FBL: variants seen among roughly 807,000 people sequenced by gnomAD.
The protein encoded by FBL is fibrillarin rRNA 2'-O-methyltransferase.
In FBL, 10 loss-of-function variants were observed where a neutral mutation model predicts 42.2. That is an observed-to-expected ratio of 0.24 (90% CI 0.15 to 0.40). The LOEUF is 0.40. Among genes scored for constraint, FBL ranks in the 10% least tolerant of loss-of-function variants. FBL has a pLI of 1.00. For synonymous variants in FBL, 165 were observed against 165.4 expected (o/e 1.00, Z 0.02); for missense variants, 351 against 439.2 (o/e 0.80, Z 1.79).
chr19:39,840,160 G>A lies in FBL; in HGVS notation c.378+73C>T. The A allele has an allele frequency of 4.0e-6, 4 of 1,005,892 alleles. No homozygotes were observed. Among genetic ancestry groups the A allele is most frequent in the Non-Finnish European group, 1.6e-6 (1 of 630,270 alleles). The allele number at this position is 1,005,892 out of a possible 1,614,324, so 62.3% of individuals were successfully genotyped here. On this transcript the variant is annotated intron_variant, in intron 4 of 8. Coordinates refer to ENST00000221801, the MANE Select transcript of FBL (RefSeq NM_001436.4). This position sits in a 1 kb window ranked among gnomAD's most constrained non-coding sequence, Gnocchi z 4.5. ...AGCTGTCACGTGCAGGACACATGGTGAGGGCAGACACAGACTACTGGCTAC... is the reference window on the plus strand; with the variant it reads ...AGCTGTCACGTGCAGGACACATGGTAAGGGCAGACACAGACTACTGGCTAC...
At chr19:39,838,161 G>C in intron 5 of FBL, 1 of 256,886 alleles carries the variant, frequency 3.9e-6, no homozygotes, top group Non-Finnish European at 7.4e-6. Context: ...ACTGCTCTAA[G>C]CACCTTTCAG....
chr19:39,845,290 A>C (rs1969240983), intron 1 of FBL, among the ~76,000 whole-genome samples: 1 of 152,228 alleles, frequency 6.6e-6, no homozygotes, highest in Non-Finnish European at 1.5e-5. Flanking sequence ...GAAGGATTCT[A>C]ATGTTGTTCT....
intron 4 of FBL, among the ~76,000 whole-genome samples, chr19:39,839,560 C>T (rs1969116667): frequency 6.6e-6 from 1 of 152,038 alleles, no homozygotes; most frequent in African/African-American, 2.4e-5. Flanking sequence ...CTAAATACAA[C>T]ATGGCATATG....
chr19:39,838,925 G>T, intron 5 of FBL, 110 bp downstream of exon 5: 1 of 946,970 alleles, frequency 1.1e-6, no homozygotes, highest in Non-Finnish European at 1.6e-6. Context: ...ACAGAAAAGG[G>T]CCTGGCCCTA....
intron 5 of FBL, 67 bp downstream of exon 5, chr19:39,838,968 G>T: frequency 6.9e-7 from 1 of 1,441,812 alleles, no homozygotes; most frequent in South Asian, 1.3e-5. Flanking sequence ...GTCAAACCCT[G>T]ATATTCCAGG....
chr19:39,844,352 T>C (rs1410889405), intron 1 of FBL, among the ~76,000 whole-genome samples: 1 of 152,004 alleles, frequency 6.6e-6, no homozygotes, highest in South Asian at 2.1e-4. Context: ...CAATCCCAGA[T>C]ACTCAAAACA....
intron 1 of FBL, among the ~76,000 whole-genome samples, chr19:39,842,434 CT>C (rs1969179818): frequency 6.6e-6 from 1 of 152,132 alleles, no homozygotes; most frequent in Admixed American, 6.6e-5. Flanking sequence ...CCTACGAACC[CT>C]TCATGCACCT....
chr19:39,845,701 CG>C (rs1484717777), intron 1 of FBL, among the ~76,000 whole-genome samples: 2 of 152,230 alleles, frequency 1.3e-5, no homozygotes, highest in Non-Finnish European at 2.9e-5. Context: ...ACTCCATCCC[CG>C]GGGATCCGCC....
chr19:39,840,702 C>T lies in FBL; in HGVS notation c.96G>A (p.Gly32=). 6.3e-7 allele frequency: 1 copy of T among 1,585,944 alleles called. No individual in the cohort carries two copies. The highest frequency in any genetic ancestry group is 2.3e-5 in the East Asian group (1 of 42,968). ...GGRGGRGGFG[G]GRGRGGGFRG... is the part of the protein sequence containing the mutation. ...TAAAGCCTCCGCCTCGACCTCGGCC[C>T]CCGCCAAAGCCCCCTCGGCCTCCAC... The change falls in exon 2 of 9, where the codon GGG becomes GGA. Residue 32 remains glycine (G), a synonymous_variant. Coordinates refer to ENST00000221801, the MANE Select transcript of FBL (RefSeq NM_001436.4). The surrounding 1 kb of genome is among the most constrained non-coding windows in gnomAD (Gnocchi z 4.5).
In FBL at chr19:39,846,362, C is replaced by A. The variant is rs1969263974; in HGVS notation, c.-62G>T. 3 of 1,602,970 alleles carry A rather than the reference C, an allele frequency of 1.9e-6. No homozygotes were observed. The highest frequency in any genetic ancestry group is 1.7e-5 in the Admixed American group (1 of 59,562). ...CGTTCACAACTCCACGAGTCCGGGG[C>A]TTTCGCACGTGGAAAAGAGCGCAGG... On this transcript the variant is annotated 5_prime_UTR_variant, in exon 1 of 9. Coordinates refer to ENST00000221801, the MANE Select transcript of FBL (RefSeq NM_001436.4).
intron 7 of FBL, among the ~76,000 whole-genome samples, chr19:39,835,543 T>G (rs1237218456): frequency 6.6e-6 from 1 of 151,632 alleles, no homozygotes; most frequent in African/African-American, 2.4e-5. Flanking sequence ...AAAATAAAAA[T>G]AAATAAATTA....
chr19:39,844,018 G>T (rs982046573), intron 1 of FBL, among the ~76,000 whole-genome samples: 1 of 151,848 alleles, frequency 6.6e-6, no homozygotes, highest in African/African-American at 2.4e-5. Context: ...AGATGAAAAT[G>T]TAACTTTTAA....
intron 1 of FBL, among the ~76,000 whole-genome samples, chr19:39,843,283 G>A (rs1033997109): frequency 1.3e-5 from 2 of 152,072 alleles, no homozygotes; most frequent in African/African-American, 4.8e-5. Context: ...TTAAACCCTG[G>A]GCCCTGCCTC....
chr19:39,844,309 G>A (rs1969218071), intron 1 of FBL, among the ~76,000 whole-genome samples: 1 of 152,144 alleles, frequency 6.6e-6, no homozygotes, highest in South Asian at 2.1e-4. Context: ...ACTGGCATGT[G>A]CTTGGGGCGG....
chr19:39,843,908 C>T (rs2145067239), intron 1 of FBL, among the ~76,000 whole-genome samples: 1 of 152,340 alleles, frequency 6.6e-6, no homozygotes, highest in East Asian at 1.9e-4. Context: ...GGGTACGCGT[C>T]TCCTCTTCCC....
chr19:39,838,774 G>A (rs1282284100), intron 5 of FBL: 1 of 364,592 alleles, frequency 2.7e-6, no homozygotes, highest in Non-Finnish European at 4.9e-6. Flanking sequence ...AAATCAAATA[G>A]TCTGGTATCT....
chr19:39,837,873 G>C, intron 5 of FBL, 30 bp from the exon 6 acceptor site: 2 of 1,603,586 alleles, frequency 1.2e-6, no homozygotes, highest in Non-Finnish European at 1.7e-6. Context: ...AATGAACAGT[G>C]ATGCTAGTTC....
Position 39,834,529 on chromosome 19 carries a change from C to A in FBL, c.*9G>T. 6.2e-7 allele frequency: 1 copy of A among 1,614,114 alleles called. No individual in the cohort carries two copies. The highest frequency in any genetic ancestry group is 8.5e-7 in the Non-Finnish European group (1 of 1,179,998). Reference sequence around the variant, plus strand: ...CACACATCTCTCGCAATCCTGACAGCGCTGAACTTCAGTTCTTCACCTTGG... The same window carrying A: ...CACACATCTCTCGCAATCCTGACAGAGCTGAACTTCAGTTCTTCACCTTGG... On this transcript the variant is annotated 3_prime_UTR_variant, in exon 9 of 9. Coordinates refer to ENST00000221801, the MANE Select transcript of FBL (RefSeq NM_001436.4).
At chr19:39,836,795 C>T in intron 6 of FBL, 127 bp from the exon 7 acceptor site, 1 of 631,902 alleles carries the variant, frequency 1.6e-6, no homozygotes, top group Non-Finnish European at 2.8e-6. Flanking sequence ...TCACTCCCCA[C>T]CTCCACTGGT....
Sources: allele counts gnomAD v4.1 joint callset (sites outside exome capture counted in the v4.1 genomes callset), GRCh38; gene constraint gnomAD v4.1.1; non-coding constraint Gnocchi (gnomAD v3.1); transcripts MANE v1.5; gene names NCBI Gene and HGNC (gene_info 2026-07-23, HGNC 2026-07-21).